DLG2: variants seen among roughly 807,000 people sequenced by gnomAD.
DLG2 encodes discs large MAGUK scaffold protein 2, also known as disks large homolog 2.
Under a neutral mutation model 132.5 loss-of-function variants are expected in DLG2, and 45 were observed. The observed-to-expected ratio is 0.34, with a 90% CI of 0.27 to 0.44. The LOEUF (loss-of-function observed/expected upper bound fraction) is 0.44. Among genes scored for constraint, DLG2 ranks in the 20% least tolerant of loss-of-function variants. DLG2 has a pLI of 1.00. For missense variants in DLG2, 1,045 were observed against 1,196.9 expected (o/e 0.87, Z 1.87); for synonymous variants, 424 against 419.6 (o/e 1.01, Z -0.13).
At chr11:83,878,346 C>T (rs939942117) in intron 15 of DLG2, among the ~76,000 whole-genome samples, 13 of 152,156 alleles carry the variant, frequency 8.5e-5, no homozygotes, top group African/African-American at 2.2e-4. Context: ...GCCCCCATGA[C>T]TTCTTGCTTT....
chr11:83,638,238 T>C (rs2065372157), intron 18 of DLG2, among the ~76,000 whole-genome samples: 2 of 152,284 alleles, frequency 1.3e-5, no homozygotes, highest in Middle Eastern at 3.4e-3. Flanking sequence ...GTGCATTTAA[T>C]TTGGGGTTCT....
intron 4 of DLG2, among the ~76,000 whole-genome samples, chr11:85,281,104 T>C (rs1595912762): frequency 6.6e-6 from 1 of 152,108 alleles, no homozygotes; most frequent in East Asian, 1.9e-4. Context: ...ATCACACATA[T>C]GCTGAGGAAG....
chr11:84,522,405 T>C (rs2099306277), intron 7 of DLG2, among the ~76,000 whole-genome samples: 1 of 152,138 alleles, frequency 6.6e-6, no homozygotes, highest in Non-Finnish European at 1.5e-5. Flanking sequence ...TGGGGAGTTG[T>C]TCTGTTCTAT....
chr11:84,050,074 C>A (rs1020720716), intron 11 of DLG2, among the ~76,000 whole-genome samples: 1 of 151,226 alleles, frequency 6.6e-6, no homozygotes, highest in Non-Finnish European at 1.5e-5. Context: ...AAGACTGAAA[C>A]CAAGTTTTGT....
chr11:84,419,327 C>A (rs1428357439), intron 7 of DLG2, among the ~76,000 whole-genome samples: 1 of 152,140 alleles, frequency 6.6e-6, no homozygotes, highest in Non-Finnish European at 1.5e-5. Context: ...AATATCTCCC[C>A]AATATCTATC....
chr11:85,387,392 G>A (rs1382731842), intron 3 of DLG2, among the ~76,000 whole-genome samples: 5 of 152,114 alleles, frequency 3.3e-5, no homozygotes, highest in African/African-American at 7.2e-5. Context: ...AGACTAAAGG[G>A]AGTTCTCAAT....
rs547692006 is a variant in DLG2, at chr11:85,090,523, A to G, written c.357+21138T>C. The stretch of plus-strand genomic sequence containing the variant: ...TATTTTCACACATCTGTACTTAGAT[A>G]CATGACACTAACCATGACAAATACT... On this transcript the variant is annotated intron_variant, in intron 6 of 27. Coordinates refer to ENST00000376104, the MANE Select transcript of DLG2 (RefSeq NM_001142699.3). Among the ~76,000 whole-genome samples the G allele has an allele frequency of 1.3e-4, 20 of 152,348 alleles. No homozygotes were observed. The South Asian group carries it at 4.1e-3, about 32-fold the overall frequency.
intron 8 of DLG2, among the ~76,000 whole-genome samples, chr11:84,211,863 T>C (rs1228236207): frequency 6.6e-6 from 1 of 152,176 alleles, no homozygotes; most frequent in Non-Finnish European, 1.5e-5. Flanking sequence ...GATATATTTA[T>C]CAAAATTAGA....
intron 3 of DLG2, among the ~76,000 whole-genome samples, chr11:85,431,137 C>A (rs1339579059): frequency 6.6e-6 from 1 of 152,106 alleles, no homozygotes; most frequent in Admixed American, 6.5e-5. Flanking sequence ...ACAAAGCAGT[C>A]CAAATATCCA....
intron 6 of DLG2, among the ~76,000 whole-genome samples, chr11:84,970,885 T>C (rs3851174): frequency 0.51 from 77,274 of 152,084 alleles, 20,062 homozygotes; most frequent in East Asian, 0.65. Context: ...GGATAGAGAA[T>C]AGAGACCTTC....
At chr11:85,418,111 G>C (rs2152990717) in intron 3 of DLG2, among the ~76,000 whole-genome samples, 1 of 152,182 alleles carries the variant, frequency 6.6e-6, no homozygotes, top group South Asian at 2.1e-4. Flanking sequence ...TGCTTTACCT[G>C]TGTCCCAGAG....
At chr11:85,089,678 C>T (rs1456928091) in intron 6 of DLG2, among the ~76,000 whole-genome samples, 1 of 152,058 alleles carries the variant, frequency 6.6e-6, no homozygotes, top group African/African-American at 2.4e-5. Flanking sequence ...ATGGTAGTTC[C>T]AATTTTAGTT....
chr11:84,909,401 A>G (rs756690109), intron 6 of DLG2, among the ~76,000 whole-genome samples: 1 of 152,056 alleles, frequency 6.6e-6, no homozygotes, highest in Non-Finnish European at 1.5e-5. Context: ...TAGCTTTGCC[A>G]TTTTCTTGCT....
intron 19 of DLG2, among the ~76,000 whole-genome samples, chr11:83,578,075 T>C (rs368595220): frequency 0.017 from 2,334 of 135,082 alleles, 91 homozygotes; most frequent in African/African-American, 0.06. Flanking sequence ...TATATATGTA[T>C]ACACACACAC....
intron 15 of DLG2, among the ~76,000 whole-genome samples, chr11:83,890,315 GA>G (rs2069383580): frequency 6.6e-6 from 1 of 151,942 alleles, no homozygotes; most frequent in Admixed American, 6.6e-5. Flanking sequence ...CGACAACATT[GA>G]AAAGGTAGAG....
chr11:84,212,771 G>C (rs547647846), intron 8 of DLG2, among the ~76,000 whole-genome samples: 1 of 152,270 alleles, frequency 6.6e-6, no homozygotes, highest in South Asian at 2.1e-4. Context: ...CGAATCTACT[G>C]CCTCAGCCTC....
intron 6 of DLG2, among the ~76,000 whole-genome samples, chr11:85,091,617 A>G (rs1451644584): frequency 6.6e-6 from 1 of 152,334 alleles, no homozygotes; most frequent in East Asian, 1.9e-4. Context: ...AAGTTTATGG[A>G]ATATTCTAAA....
intron 3 of DLG2, among the ~76,000 whole-genome samples, chr11:85,543,620 C>A (rs958862771): frequency 2.0e-5 from 3 of 152,152 alleles, no homozygotes; most frequent in African/African-American, 7.2e-5. Context: ...AAAAGCATTC[C>A]TATTTCTCCA....
chr11:85,611,892 G>C (rs1395022633), intron 2 of DLG2, among the ~76,000 whole-genome samples: 3 of 152,056 alleles, frequency 2.0e-5, no homozygotes, highest in Non-Finnish European at 4.4e-5. Flanking sequence ...AGCAGCATAA[G>C]CAGCTGGCAG....
Sources: gnomAD v4.1 joint callset for allele counts (sites outside exome capture counted in the v4.1 genomes callset) on GRCh38, gnomAD v4.1.1 for gene constraint, MANE v1.5 for transcripts, NCBI Gene and HGNC (gene_info 2026-07-23, HGNC 2026-07-21) for gene names.